Variants in PARVG observed in about 807,000 individuals in gnomAD.
The protein encoded by PARVG is gamma-parvin.
PARVG carries 36 observed loss-of-function variants against 44.4 expected under a neutral mutation model. The observed-to-expected ratio is 0.81, with a 90% CI of 0.62 to 1.07. PARVG has a LOEUF of 1.07. Ranked by LOEUF, PARVG falls within the 50% of genes least tolerant of loss-of-function variation. PARVG has a pLI of 0.00. For missense variants in PARVG, 407 were observed against 407.4 expected, an observed-to-expected ratio of 1.00 and a Z score of 0.01; for synonymous variants, 170 against 174.1, an observed-to-expected ratio of 0.98 and a Z score of 0.19.
chr22:44,181,762 G>A lies in PARVG; in HGVS notation c.-168G>A. On this transcript the variant is annotated 5_prime_UTR_variant, in exon 2 of 14. Transcript: ENST00000444313. ...CGCAGAGAGGAGGAAGCTCCTGCCG[G>A]CTGAGCGGGCCTGGAGGAAGTGAGC... The A allele has an allele frequency of 1.0e-6, 1 of 985,438 alleles. No individual in the cohort carries two copies. The highest frequency in any genetic ancestry group is 1.2e-6 in the Non-Finnish European group (1 of 829,954). The allele number at this position is 985,438 out of a possible 1,614,324, so 61.0% of individuals were successfully genotyped here. A position where few individuals can be genotyped will look rare whatever the true frequency, so the allele number is the denominator to read the frequency against.
In PARVG at chr22:44,190,567, C is replaced by A. The variant is rs774390996; in HGVS notation, c.405C>A (p.Asp135Glu). ...TCTTCCCAGGCATCTTCAACAAGGACCTGTTGTCTACCCTGCACCTCCTTG... is the reference window on the plus strand; with the variant it reads ...TCTTCCCAGGCATCTTCAACAAGGAACTGTTGTCTACCCTGCACCTCCTTG... ...KWSVESIFNKDLLSTLHLLVA... is the reference protein window; with the variant it reads ...KWSVESIFNKELLSTLHLLVA... The change falls in exon 7 of 14, where the codon GAC becomes GAA. Residue 135 changes from aspartate (D) to glutamate (E), a missense_variant. Transcript: ENST00000444313. The A allele has an allele frequency of 1.4e-5, 23 of 1,613,998 alleles. No homozygotes were observed. Among genetic ancestry groups the A allele is most frequent in the Non-Finnish European group, 1.7e-5 (20 of 1,179,960 alleles).
In PARVG at chr22:44,193,483, G is replaced by A. The variant is rs117296484; in HGVS notation, c.561-318G>A. On this transcript the variant is annotated intron_variant, in intron 8 of 13. Transcript: ENST00000444313. ...TGTGTATGTGTAAAACGCACAAGCTGTGAGCTTACGATTTGTGCACTTTAT... is the reference window on the plus strand; with the variant it reads ...TGTGTATGTGTAAAACGCACAAGCTATGAGCTTACGATTTGTGCACTTTAT... Among the ~76,000 whole-genome samples the A allele has an allele frequency of 1.0e-3, 155 of 152,334 alleles. No individual in the cohort carries two copies. The East Asian group carries it at 0.015, about 15-fold the overall frequency.
intron 7 of PARVG, among the ~76,000 whole-genome samples, chr22:44,191,060 A>G (rs1411703583): frequency 6.6e-6 from 1 of 152,214 alleles, no homozygotes; most frequent in African/African-American, 2.4e-5. Context: ...CCATGAGGGT[A>G]CTGTCTCCTG....
intron 1 of PARVG, among the ~76,000 whole-genome samples, chr22:44,174,466 G>A (rs2054299725): frequency 6.6e-6 from 1 of 152,098 alleles, no homozygotes; most frequent in Non-Finnish European, 1.5e-5. Flanking sequence ...CAGCACTTTG[G>A]GAGGCCGAGG....
In PARVG at chr22:44,175,243, G is replaced by A. The variant is rs551691408; in HGVS notation, c.-189+2052G>A. Among the ~76,000 whole-genome samples the A allele has an allele frequency of 3.5e-4, 54 of 152,380 alleles. 1 individual carries two copies. The South Asian group carries it at 0.011, about 30-fold the overall frequency. ...CTCCCCAGGGGGCCGTGGTGGGGAG[G>A]GGGCTCTCTGCTTAGGACAGGGCCC... is the stretch of plus-strand genomic sequence containing the variant. On this transcript the variant is annotated intron_variant, in intron 1 of 13. Coordinates refer to the PARVG transcript ENST00000422871.
At chr22:44,177,908 TGTACACTAAAAAATGTAA>T (rs1042865426), upstream of PARVG, among the ~76,000 whole-genome samples, 2 of 152,194 alleles carry the variant, frequency 1.3e-5, no homozygotes, top group Non-Finnish European at 2.9e-5. Context: ...TTATCAAATT[TGTACACTAAAAAATGTAA>T]CTCTTCTTTG....
Position 44,196,385 on chromosome 22 carries a change from G to A in PARVG, c.681G>A (p.Leu227=). 2 of 1,614,194 alleles carry A rather than the reference G, an allele frequency of 1.2e-6. No individual in the cohort carries two copies. The highest frequency in any genetic ancestry group is 1.7e-6 in the Non-Finnish European group (2 of 1,180,036). The change falls in exon 11 of 14, where the codon CTG becomes CTA. Residue 227 remains leucine (L), a synonymous_variant. Transcript: ENST00000444313. ...VNFVNQKLDR[L]GLSVQNLDTQ... Reference sequence around the variant, plus strand: ...TTGTCAACCAGAAGCTGGACCGCCTGGGCCTGTCTGTGCAGAATCTGGACA... The same window carrying A: ...TTGTCAACCAGAAGCTGGACCGCCTAGGCCTGTCTGTGCAGAATCTGGACA...
At chr22:44,193,730 A>G in intron 8 of PARVG, 71 bp from the exon 9 acceptor site, 3 of 1,585,038 alleles carry the variant, frequency 1.9e-6, no homozygotes, top group Non-Finnish European at 2.6e-6. Context: ...GGCTTGTCAT[A>G]TTGAGAAATT....
chr22:44,205,777 G>C lies in PARVG; in HGVS notation c.834G>C (p.Ala278=), dbSNP rs753642665. 1 of 1,613,638 alleles carries C rather than the reference G, an allele frequency of 6.2e-7. No individual in the cohort carries two copies. Among genetic ancestry groups the C allele is most frequent in the Non-Finnish European group, 8.5e-7 (1 of 1,180,022 alleles). The change falls in exon 13 of 14, where the codon GCG becomes GCC. Residue 278 remains alanine, a synonymous_variant. Coordinates refer to ENST00000444313, the MANE Select transcript of PARVG (RefSeq NM_022141.7). ...CATAGCTGCACAACGTCACCCTGGC[G>C]CTGGAGCTGCTGAAGGACGAGGGCC... The part of the protein sequence containing the change: ...PAEMLHNVTL[A]LELLKDEGLL...
chr22:44,194,581 A>G (rs1253039685), intron 9 of PARVG, among the ~76,000 whole-genome samples: 1 of 151,046 alleles, frequency 6.6e-6, no homozygotes, highest in Non-Finnish European at 1.5e-5. Flanking sequence ...CCATCCCTCC[A>G]TCCATCCATT....
At chr22:44,191,945 G>A (rs2054553960) in intron 7 of PARVG, 104 bp from the exon 8 acceptor site, 2 of 1,292,104 alleles carry the variant, frequency 1.5e-6, no homozygotes, top group Admixed American at 3.6e-5. Context: ...TAAGCCAGAG[G>A]CTGTCCTGAG....
At chr22:44,176,428 G>A (rs928930848), upstream of PARVG, among the ~76,000 whole-genome samples, 8 of 152,058 alleles carry the variant, frequency 5.3e-5, no homozygotes, top group African/African-American at 1.4e-4. Context: ...TTTTTAATTC[G>A]TGGTTGGTTA....
chr22:44,204,911 A>G (rs1396851780), intron 12 of PARVG, among the ~76,000 whole-genome samples: 1 of 152,174 alleles, frequency 6.6e-6, no homozygotes, highest in Non-Finnish European at 1.5e-5. Flanking sequence ...GGGAGAAGCT[A>G]GAATGGAAAG....
At chr22:44,188,753 C>G (rs563526735) in intron 5 of PARVG, 6 of 261,238 alleles carry the variant, frequency 2.3e-5, no homozygotes, top group Non-Finnish European at 4.6e-5. Flanking sequence ...GCTTTAACCA[C>G]TAGGCCACAC....
Position 44,181,044 on chromosome 22 carries a change from CCTT to C in PARVG, c.-322_-320del, listed in dbSNP as rs539320139. On this transcript the variant is annotated 5_prime_UTR_variant, in exon 1 of 14. Coordinates refer to ENST00000444313, the MANE Select transcript of PARVG (RefSeq NM_022141.7). ...TTTCTCCACCTGCCACGTTCTCACCCCTTCTTCTTCCACTGCAAACTCCTATGC... is the reference window on the plus strand; with the variant it reads ...TTTCTCCACCTGCCACGTTCTCACCCCTTCTTCCACTGCAAACTCCTATGC... 95 of 930,274 alleles carry C rather than the reference CCTT, an allele frequency of 1.0e-4. 1 individual carries two copies. The African/African-American group carries it at 1.5e-3, about 15-fold the overall frequency. The allele number at this position is 930,274 out of a possible 1,614,324, so 57.6% of individuals were successfully genotyped here.
chr22:44,175,895 C>T (rs1388481283), intron 1 of PARVG, among the ~76,000 whole-genome samples: 2 of 152,200 alleles, frequency 1.3e-5, no homozygotes, highest in Non-Finnish European at 2.9e-5. Flanking sequence ...TCCCCAGCCC[C>T]TCGGATTTAG....
At chr22:44,186,410 T>A in intron 4 of PARVG, 1 of 377,144 alleles carries the variant, frequency 2.7e-6, no homozygotes, top group East Asian at 7.3e-5. Flanking sequence ...AGGCCTCTGT[T>A]TCCCTCAGCG....
intron 9 of PARVG, among the ~76,000 whole-genome samples, chr22:44,194,698 C>T (rs2054594811): frequency 6.6e-6 from 1 of 151,386 alleles, no homozygotes; most frequent in Non-Finnish European, 1.5e-5. Context: ...ATCCACCCAC[C>T]CACCTATCCA....
At chr22:44,177,621 T>C (rs539714580), upstream of PARVG, among the ~76,000 whole-genome samples, 2 of 152,336 alleles carry the variant, frequency 1.3e-5, no homozygotes, top group South Asian at 4.1e-4. Context: ...TTCCTCGTTA[T>C]TAGATCCAGG....
Sources: gnomAD v4.1 joint callset for allele counts (sites outside exome capture counted in the v4.1 genomes callset) on GRCh38, gnomAD v4.1.1 for gene constraint, MANE v1.5 for transcripts, NCBI Gene and HGNC (gene_info 2026-07-23, HGNC 2026-07-21) for gene names.